Variants in GABRA4 observed in about 807,000 individuals in gnomAD.
GABRA4 encodes gamma-aminobutyric acid receptor subunit alpha-4.
GABRA4 carries 12 observed loss-of-function variants against 49.7 expected under a neutral mutation model. The ratio of observed to expected loss-of-function variants is 0.24; its 90% confidence interval spans 0.15 to 0.39. The LOEUF (loss-of-function observed/expected upper bound fraction) is 0.39, where lower values mean the gene tolerates loss of function less well. Ranked by LOEUF, GABRA4 falls within the 10% of genes least tolerant of loss-of-function variation. The pLI is 1.00. For missense variants in GABRA4, 506 were observed against 686.0 expected (o/e 0.74, Z 2.93); for synonymous variants, 288 against 240.2 (o/e 1.20, Z -1.84).
intron 8 of GABRA4, among the ~76,000 whole-genome samples, chr4:46,964,373 A>C (rs1398221564): frequency 6.6e-6 from 1 of 151,862 alleles, no homozygotes; most frequent in Non-Finnish European, 1.5e-5. Context: ...ACTATAGCCA[A>C]TAATAACTTA....
rs142231249 is a variant in GABRA4, at chr4:46,972,651, A to G, written c.722-1416T>C. 5.1e-3 allele frequency among the ~76,000 whole-genome samples: 769 copies of G among 151,688 alleles called. 3 individuals are homozygous for G. The highest frequency in any genetic ancestry group is 7.8e-3 in the Non-Finnish European group (529 of 67,732). The stretch of plus-strand genomic sequence containing the variant: ...CTCTCAGCAAATTTTTAAGTAGACA[A>G]TACAGTACTGTTCACTATATGCACT... On this transcript the variant is annotated intron_variant, in intron 6 of 8. Coordinates refer to ENST00000264318, the MANE Select transcript of GABRA4 (RefSeq NM_000809.4).
rs1721134308 is a variant in GABRA4, at chr4:46,924,312, T to C, written c.*3913A>G. ...AAAATATTCACTTAAATATTAGGTA[T>C]CTTGATTATTGAAGTTTTGATGTCC... On this transcript the variant is annotated 3_prime_UTR_variant, in exon 9 of 9. Transcript: ENST00000264318. The C allele has an allele frequency of 1.3e-5, 2 of 152,158 alleles. No homozygotes were observed. The highest frequency in any genetic ancestry group is 2.9e-5 in the Non-Finnish European group (2 of 67,988). 9.4% of individuals were successfully genotyped at this position (152,158 alleles called of 1,614,324 possible). A position where few individuals can be genotyped will look rare whatever the true frequency, so the allele number is the denominator to read the frequency against.
intron 8 of GABRA4, among the ~76,000 whole-genome samples, chr4:46,954,219 C>T (rs1722265020): frequency 6.6e-6 from 1 of 152,046 alleles, no homozygotes; most frequent in Non-Finnish European, 1.5e-5. Context: ...AAGAGCCATC[C>T]TTCCTCTAAT....
rs190573154 is a variant in GABRA4, at chr4:46,979,014, A to C, written c.273+17T>G. On this transcript the variant is annotated intron_variant, in intron 3 of 8. Transcript: ENST00000264318. ...CTTCAAGTCTCAAAAGGTACATTAA[A>C]CTTCGAAAATACCTACCATTTCAAC... The C allele has an allele frequency of 6.4e-7, 1 of 1,568,772 alleles. No individual in the cohort carries two copies. Among genetic ancestry groups the C allele is most frequent in the South Asian group, 1.1e-5 (1 of 89,396 alleles).
At chr4:46,980,110 G>A (rs1430433590) in intron 2 of GABRA4, among the ~76,000 whole-genome samples, 1 of 152,076 alleles carries the variant, frequency 6.6e-6, no homozygotes, top group Non-Finnish European at 1.5e-5. Flanking sequence ...AGTATTAATT[G>A]AGATAATACT....
At chr4:46,967,851 G>C (rs1243937350) in intron 7 of GABRA4, among the ~76,000 whole-genome samples, 1 of 151,600 alleles carries the variant, frequency 6.6e-6, no homozygotes, top group Admixed American at 6.6e-5. Flanking sequence ...ACACAAGAGT[G>C]AATTTTTGGC....
rs1277599893 is a variant in GABRA4, at chr4:46,971,087, T to C, written c.870A>G (p.Val290=). The C allele has an allele frequency of 1.2e-6, 2 of 1,606,246 alleles. No individual in the cohort carries two copies. Among genetic ancestry groups the C allele is most frequent in the Admixed American group, 3.4e-5 (2 of 58,846 alleles). ...CAAGAAATGAATTGCAATTACCAAA[T>C]ACAGTCCTAGCGGGAACTGATTCTT... ...INKESVPART[V]FGITTVLTMT... The change falls in exon 7 of 9, where the codon GTA becomes GTG. Residue 290 remains valine (V), a synonymous_variant. Coordinates refer to ENST00000264318, the MANE Select transcript of GABRA4 (RefSeq NM_000809.4).
chr4:46,949,410 T>G (rs966802883), intron 8 of GABRA4, among the ~76,000 whole-genome samples: 1 of 152,062 alleles, frequency 6.6e-6, no homozygotes, highest in Non-Finnish European at 1.5e-5. Flanking sequence ...GATTACCTAA[T>G]CTATTGGTCA....
chr4:46,971,369 T>G (rs1158971779), intron 6 of GABRA4, 134 bp from the exon 7 acceptor site: 15 of 741,770 alleles, frequency 2.0e-5, no homozygotes, highest in Non-Finnish European at 2.8e-5. Context: ...TACACAAACA[T>G]CAATAAGTAT....
chr4:46,983,429 G>A (rs969283593), intron 2 of GABRA4, among the ~76,000 whole-genome samples: 5 of 152,054 alleles, frequency 3.3e-5, no homozygotes, highest in African/African-American at 4.8e-5. Flanking sequence ...ACAATGCCTT[G>A]CACATATTAG....
chr4:46,977,939 T>G (rs758488022), intron 3 of GABRA4, among the ~76,000 whole-genome samples: 33 of 152,062 alleles, frequency 2.2e-4, no homozygotes, highest in Non-Finnish European at 3.7e-4. Context: ...GTTACAATTG[T>G]GTTTTACTTT....
At chr4:46,931,182 G>A (rs529166143) in intron 8 of GABRA4, among the ~76,000 whole-genome samples, 1 of 152,202 alleles carries the variant, frequency 6.6e-6, no homozygotes, top group African/African-American at 2.4e-5. Flanking sequence ...AAAATGATTA[G>A]AAGAAACAAT....
At chr4:46,930,165 A>G (rs535304486) in intron 8 of GABRA4, among the ~76,000 whole-genome samples, 1 of 152,100 alleles carries the variant, frequency 6.6e-6, no homozygotes, top group Admixed American at 6.6e-5. Context: ...GTCAGCTTGT[A>G]GTATTCTTCT....
chr4:46,968,008 A>G (rs1722825656), intron 7 of GABRA4, among the ~76,000 whole-genome samples: 1 of 151,606 alleles, frequency 6.6e-6, no homozygotes, highest in Non-Finnish European at 1.5e-5. Flanking sequence ...GATTTTTAGG[A>G]CACTCTGCTC....
At chr4:46,929,532 T>C (rs1250730230) in intron 8 of GABRA4, among the ~76,000 whole-genome samples, 1 of 152,106 alleles carries the variant, frequency 6.6e-6, no homozygotes, top group Non-Finnish European at 1.5e-5. Flanking sequence ...CAAATTATTT[T>C]GTTTGTAGAA....
chr4:46,977,386 G>T, intron 4 of GABRA4, 24 bp downstream of exon 4: 3 of 1,268,804 alleles, frequency 2.4e-6, no homozygotes, highest in Non-Finnish European at 3.3e-6. Flanking sequence ...AAAAAGGAAG[G>T]GAAGAAGTAA....
At chr4:46,977,700 T>A in intron 3 of GABRA4, 70 bp from the exon 4 acceptor site, 1 of 1,027,528 alleles carries the variant, frequency 9.7e-7, no homozygotes, top group Non-Finnish European at 1.4e-6. Context: ...AATAATGCAT[T>A]AAATTCTGTC....
At chr4:46,962,568 A>G (rs2109371823) in intron 8 of GABRA4, among the ~76,000 whole-genome samples, 1 of 152,048 alleles carries the variant, frequency 6.6e-6, no homozygotes, top group East Asian at 1.9e-4. Flanking sequence ...ATCACTATCA[A>G]AATACCAAAG....
At chr4:46,965,283 A>T in intron 7 of GABRA4, 54 bp from the exon 8 acceptor site, 1 of 1,341,828 alleles carries the variant, frequency 7.5e-7, no homozygotes, top group South Asian at 2.3e-5. Context: ...TTGTATTAAA[A>T]AGCACCGCCA....
Sources: allele counts gnomAD v4.1 joint callset (sites outside exome capture counted in the v4.1 genomes callset), GRCh38; gene constraint gnomAD v4.1.1; transcripts MANE v1.5; gene names NCBI Gene and HGNC (gene_info 2026-07-23, HGNC 2026-07-21).